Variants in KMT2B observed in about 807,000 individuals in gnomAD.
KMT2B encodes histone-lysine N-methyltransferase 2B.
In KMT2B, 22 loss-of-function variants were observed where a neutral mutation model predicts 255.3. That is an observed-to-expected ratio of 0.09 (90% confidence interval 0.06 to 0.12). The LOEUF (loss-of-function observed/expected upper bound fraction) is 0.12. Among genes scored for constraint, KMT2B ranks in the 10% least tolerant of loss-of-function variants. The pLI is 1.00. For missense variants in KMT2B, 3,149 were observed against 3,737.0 expected, an observed-to-expected ratio of 0.84 and a Z score of 4.10; for synonymous variants, 1,730 against 1,498.1, an observed-to-expected ratio of 1.15 and a Z score of -3.57.
At chr19:35,735,582 T>C (rs985056112) in intron 30 of KMT2B, 1 of 152,612 alleles carries the variant, frequency 6.6e-6, no homozygotes, top group Non-Finnish European at 1.5e-5. Context: ...GTGTTCTGAT[T>C]GTCTCCACAT....
At chr19:35,721,978 G>A (rs1969233364) in intron 3 of KMT2B, among the ~76,000 whole-genome samples, 174 bp downstream of exon 3, 2 of 149,768 alleles carry the variant, frequency 1.3e-5, no homozygotes, top group African/African-American at 4.9e-5. Context: ...GCCCTTCTCT[G>A]TGCTAGTTCC....
rs1434929241 is a variant in KMT2B, at chr19:35,733,544, G to A, written c.6959+36G>A. On this transcript the variant is annotated intron_variant, in intron 28 of 36. Coordinates refer to ENST00000420124, the MANE Select transcript of KMT2B (RefSeq NM_014727.3). The surrounding 1 kb of genome is among the most constrained non-coding windows in gnomAD (Gnocchi z 4.3). ...GTGCTGAGGCTGGCAGAGCAGGCAA[G>A]GGGGCAGATGGGCGGGAGATGCGGC... 6.4e-7 allele frequency: 1 copy of A among 1,554,850 alleles called. No individual in the cohort carries two copies. Among genetic ancestry groups the A allele is most frequent in the Non-Finnish European group, 8.7e-7 (1 of 1,149,042 alleles).
Position 35,732,584 on chromosome 19 carries a change from C to T in KMT2B, c.6035C>T (p.Ala2012Val), listed in dbSNP as rs1329995865. 2 of 1,613,428 alleles carry T rather than the reference C, an allele frequency of 1.2e-6. No homozygotes were observed. The highest frequency in any genetic ancestry group is 1.7e-6 in the Non-Finnish European group (2 of 1,179,792). The change falls in exon 28 of 37, where the codon GCC becomes GTC. Residue 2012 changes from alanine to valine, a missense_variant. By Grantham distance (64) the Ala-to-Val change is moderately conservative. Coordinates refer to ENST00000420124, the MANE Select transcript of KMT2B (RefSeq NM_014727.3). Reference sequence around the variant, plus strand: ...CAGGAAGAGATTGTAGCCGCTGGGGCCATGGGGAGCAGCCACGGGGGCCCG... The same window carrying T: ...CAGGAAGAGATTGTAGCCGCTGGGGTCATGGGGAGCAGCCACGGGGGCCCG... ...PFQEEIVAAG[A>V]MGSSHGGPGD...
At position 35,730,497 on chromosome 19, in the gene KMT2B, C is replaced by T. The variant is rs368763121; in HGVS notation, c.5197+35C>T. 54 of 1,613,878 alleles carry T rather than the reference C, an allele frequency of 3.3e-5. No homozygotes were observed. The African/African-American group carries it at 6.3e-4, about 19-fold the overall frequency. Reference sequence around the variant, plus strand: ...CTGCTCTCCGCCCTGTCCTCCTACCCTGTCCTGCCTGCCTCTCCTGACCTC... The same window carrying T: ...CTGCTCTCCGCCCTGTCCTCCTACCTTGTCCTGCCTGCCTCTCCTGACCTC... On this transcript the variant is annotated intron_variant, in intron 24 of 36. Coordinates refer to ENST00000420124, the MANE Select transcript of KMT2B (RefSeq NM_014727.3).
Position 35,727,381 on chromosome 19 carries a change from C to G in KMT2B, c.4118-57C>G, listed in dbSNP as rs555551141. On this transcript the variant is annotated intron_variant, in intron 15 of 36. Transcript: ENST00000420124. The surrounding 1 kb of genome is among the most constrained non-coding windows in gnomAD (Gnocchi z 4.2). Reference sequence around the variant, plus strand: ...AGGGTCCTTGCTGGCCTAGGGGCTGCTGGGAGCCCTCACATCCTCTGAAAC... The same window carrying G: ...AGGGTCCTTGCTGGCCTAGGGGCTGGTGGGAGCCCTCACATCCTCTGAAAC... 6.2e-6 allele frequency: 10 copies of G among 1,600,260 alleles called. No individual in the cohort carries two copies. The highest frequency in any genetic ancestry group is 8.6e-6 in the Non-Finnish European group (10 of 1,168,280).
chr19:35,723,511 C>T lies in KMT2B; in HGVS notation c.3058+9C>T, dbSNP rs1969302004. ...ACGACTGGCTAAAAAAGGTGACGAGCTTTAAGGAGCATTTCTTCTCAAAAC... is the reference window on the plus strand; with the variant it reads ...ACGACTGGCTAAAAAAGGTGACGAGTTTTAAGGAGCATTTCTTCTCAAAAC... On this transcript the variant is annotated intron_variant, in intron 7 of 36. Coordinates refer to ENST00000420124, the MANE Select transcript of KMT2B (RefSeq NM_014727.3). This position sits in a 1 kb window ranked among gnomAD's most constrained non-coding sequence, Gnocchi z 7.5. The T allele has an allele frequency of 1.3e-6, 2 of 1,561,022 alleles. No individual in the cohort carries two copies. The highest frequency in any genetic ancestry group is 1.7e-6 in the Non-Finnish European group (2 of 1,153,212).
In KMT2B at chr19:35,730,131, C is replaced by T. The variant is rs765174178; in HGVS notation, c.5076+6C>T. On this transcript the variant is annotated splice_donor_region_variant and intron_variant, in intron 23 of 36. Transcript: ENST00000420124. ...CTGATCTCCTGGATGGCAAGGTGGG[C>T]CAGAACTGTGGGGTACACGGTTCCT... The T allele has an allele frequency of 1.3e-5, 21 of 1,613,404 alleles. No homozygotes were observed. In the East Asian group the frequency reaches 2.2e-4, roughly 17 times the overall value.
At chr19:35,736,526 AG>A in intron 30 of KMT2B, 163 bp from the exon 31 acceptor site, 2 of 766,792 alleles carry the variant, frequency 2.6e-6, no homozygotes, top group Non-Finnish European at 4.1e-6. Flanking sequence ...TCCATTCTGC[AG>A]GGCTCACTGG....
Position 35,737,217 on chromosome 19 carries a change from C to T in KMT2B, c.7504C>T (p.Pro2502Ser). The T allele has an allele frequency of 6.3e-7, 1 of 1,580,446 alleles. No homozygotes were observed. The highest frequency in any genetic ancestry group is 1.8e-5 in the Admixed American group (1 of 54,472). ...CCAGCAGGGAGAGGGCCAGGAGGAGCCGCCCCTGAATCCCCATGGGGCTGC... is the reference window on the plus strand; with the variant it reads ...CCAGCAGGGAGAGGGCCAGGAGGAGTCGCCCCTGAATCCCCATGGGGCTGC... ...YHQQGEGQEEPPLNPHGAARA... is the reference protein window; with the variant it reads ...YHQQGEGQEESPLNPHGAARA... The change falls in exon 33 of 37, where the codon CCG becomes TCG. Residue 2502 changes from proline to serine, a missense_variant. By Grantham distance (74) the Pro-to-Ser change is moderately conservative. Around this residue, in one of 18 missense-constraint regions of KMT2B, gnomAD observed 103 missense variants for 200.7 expected, o/e 0.51. Transcript: ENST00000420124. The surrounding 1 kb of genome is among the most constrained non-coding windows in gnomAD (Gnocchi z 5.3).
In KMT2B at chr19:35,730,480, C is replaced by G. The variant is rs536773071; in HGVS notation, c.5197+18C>G. On this transcript the variant is annotated intron_variant, in intron 24 of 36. Coordinates refer to ENST00000420124, the MANE Select transcript of KMT2B (RefSeq NM_014727.3). ...GCTCATTGGTAAGCTGCCTGCTCTC[C>G]GCCCTGTCCTCCTACCCTGTCCTGC... 6.2e-7 allele frequency: 1 copy of G among 1,613,918 alleles called. No homozygotes were observed. Among genetic ancestry groups the G allele is most frequent in the East Asian group, 2.2e-5 (1 of 44,898 alleles).
chr19:35,719,023 CT>C (rs1219891635), intron 1 of KMT2B, among the ~76,000 whole-genome samples: 3 of 152,158 alleles, frequency 2.0e-5, no homozygotes, highest in African/African-American at 7.2e-5. Context: ...GCAGTGGAGC[CT>C]GTACGAAAGC....
chr19:35,720,007 GGGACGGCCCCCA>G lies in KMT2B; in HGVS notation c.669_680del (p.Pro224_Pro227del), dbSNP rs751589050. On this transcript the variant is annotated inframe_deletion, in exon 3 of 37. Transcript: ENST00000420124. ...AGCCCTCCACCCCCCGGCGGTCTCG[GGGACGGCCCCCA>G]GGACGGCCAGCAGGCCCCTGCAGGA... 2.5e-6 allele frequency: 4 copies of G among 1,612,824 alleles called. No homozygotes were observed. The highest frequency in any genetic ancestry group is 3.4e-6 in the Non-Finnish European group (4 of 1,179,610).
intron 19 of KMT2B, 53 bp downstream of exon 19, chr19:35,728,224 G>A: frequency 1.4e-6 from 2 of 1,452,602 alleles, no homozygotes; most frequent in Non-Finnish European, 1.9e-6. Context: ...GCAAGGCCAG[G>A]GCATGCAGGG....
chr19:35,719,684 G>A (rs1274189597), intron 2 of KMT2B, 100 bp from the exon 3 acceptor site: 3 of 1,522,018 alleles, frequency 2.0e-6, no homozygotes, highest in South Asian at 2.6e-5. Flanking sequence ...GGGCAGCGGG[G>A]GAAACACACA....
chr19:35,725,143 C>T lies in KMT2B; in HGVS notation c.3528+56C>T. 6.4e-7 allele frequency: 1 copy of T among 1,573,992 alleles called. No homozygotes were observed. The highest frequency in any genetic ancestry group is 8.7e-7 in the Non-Finnish European group (1 of 1,143,912). On this transcript the variant is annotated intron_variant, in intron 10 of 36. Coordinates refer to ENST00000420124, the MANE Select transcript of KMT2B (RefSeq NM_014727.3). This position sits in a 1 kb window ranked among gnomAD's most constrained non-coding sequence, Gnocchi z 4.1. ...CCTCTGGTTGGAAGAACCTCGATGA[C>T]TGTGTCATCGAGAAGCCAGGTGGGT... is the stretch of plus-strand genomic sequence containing the variant.
At position 35,732,278 on chromosome 19, in the gene KMT2B, C is replaced by G. The variant is rs760860229; in HGVS notation, c.5729C>G (p.Pro1910Arg). Residue 1910 changes from proline to arginine, a missense_variant, in exon 28 of 37, where the codon CCC becomes CGC. Physicochemically the swap from Pro to Arg is moderately radical, Grantham distance 103. This residue lies in a region of KMT2B where 897 missense variants were observed against 825.3 expected (regional missense o/e 1.09). Transcript: ENST00000420124. Reference sequence around the variant, plus strand: ...GGAGACCCGGACTTCCCAGCTCCCCCCAGACGTTCCCGTCGTCCCAGCCCT... The same window carrying G: ...GGAGACCCGGACTTCCCAGCTCCCCGCAGACGTTCCCGTCGTCCCAGCCCT... ...TVGDPDFPAPPRRSRRPSPLA... is the reference protein window; with the variant it reads ...TVGDPDFPAPRRRSRRPSPLA... 8 of 1,610,420 alleles carry G rather than the reference C, an allele frequency of 5.0e-6. No individual in the cohort carries two copies. Among genetic ancestry groups the G allele is most frequent in the East Asian group, 2.2e-5 (1 of 44,670 alleles).
Position 35,719,990 on chromosome 19 carries a change from A to C in KMT2B, c.643A>C (p.Thr215Pro), listed in dbSNP as rs750380144. The C allele has an allele frequency of 1.9e-6, 3 of 1,611,276 alleles. No individual in the cohort carries two copies. The highest frequency in any genetic ancestry group is 2.2e-5 in the South Asian group (2 of 90,912). The change falls in exon 3 of 37, where the codon ACC becomes CCC. Residue 215 changes from threonine (T) to proline (P), a missense_variant. Physicochemically the swap from Thr to Pro is conservative, Grantham distance 38. Coordinates refer to ENST00000420124, the MANE Select transcript of KMT2B (RefSeq NM_014727.3). The stretch of plus-strand genomic sequence containing the variant: ...CCGGAGCCGGGCATGTGAGCCCTCC[A>C]CCCCCCGGCGGTCTCGGGGACGGCC... ...APRSRACEPSTPRRSRGRPPG... is the reference protein window; with the variant it reads ...APRSRACEPSPPRRSRGRPPG...
rs540303584 is a variant in KMT2B, at chr19:35,736,288, A to G, written c.7160-402A>G. ...TTTTATGTTTGTAACAGTTACAGAA[A>G]TTTGCTGCATCTAAAAAAAATAGAT... On this transcript the variant is annotated intron_variant, in intron 30 of 36. Transcript: ENST00000420124. 2.0e-3 allele frequency: 348 copies of G among 174,280 alleles called. 1 individual carries two copies. Among genetic ancestry groups the G allele is most frequent in the African/African-American group, 6.9e-3 (291 of 41,994 alleles). The allele number at this position is 174,280 out of a possible 1,614,324, so 10.8% of individuals were successfully genotyped here. A position where few individuals can be genotyped will look rare whatever the true frequency, so the allele number is the denominator to read the frequency against.
In KMT2B at chr19:35,722,170, A is replaced by G. The variant is rs28373672; in HGVS notation, c.2458-189A>G. ...CAGGTGCCCATCACCACGCCTGGCT[A>G]ATTTTTGTATTTTTAGTAGAGACAG... On this transcript the variant is annotated intron_variant, in intron 3 of 36. Coordinates refer to ENST00000420124, the MANE Select transcript of KMT2B (RefSeq NM_014727.3). Among the ~76,000 whole-genome samples the G allele has an allele frequency of 0.32, 49,036 of 151,526 alleles. 9,560 individuals carry two copies. The highest frequency in any genetic ancestry group is 0.56 in the African/African-American group (23,002 of 41,254).
Sources: allele counts gnomAD v4.1 joint callset (sites outside exome capture counted in the v4.1 genomes callset), GRCh38; gene constraint gnomAD v4.1.1; regional missense constraint gnomAD v4.1.1; non-coding constraint Gnocchi (gnomAD v3.1); transcripts MANE v1.5; gene names NCBI Gene and HGNC (gene_info 2026-07-23, HGNC 2026-07-21).